Variants in EYA2 observed in about 807,000 individuals in gnomAD.
EYA2 encodes the protein EYA transcriptional coactivator and phosphatase 2.
In EYA2, 31 loss-of-function variants were observed where a neutral mutation model predicts 69.2. The ratio of observed to expected loss-of-function variants is 0.45; its 90% CI spans 0.34 to 0.60. EYA2 has a LOEUF of 0.60. Ranked by LOEUF, EYA2 falls within the 20% of genes least tolerant of loss-of-function variation. EYA2 has a pLI of 0.02. For synonymous variants in EYA2, 257 were observed against 279.4 expected, an observed-to-expected ratio of 0.92 and a Z score of 0.80; for missense variants, 622 against 701.2, an observed-to-expected ratio of 0.89 and a Z score of 1.28.
intron 1 of EYA2, among the ~76,000 whole-genome samples, chr20:46,966,537 G>A (rs1979792949): frequency 1.3e-5 from 2 of 152,116 alleles, no homozygotes; most frequent in Non-Finnish European, 2.9e-5. Flanking sequence ...GGCCTGGCGC[G>A]GTGGCTCACA....
chr20:46,986,661 C>T (rs1459044166), intron 1 of EYA2, among the ~76,000 whole-genome samples: 1 of 152,034 alleles, frequency 6.6e-6, no homozygotes, highest in Non-Finnish European at 1.5e-5. Flanking sequence ...CTGGTGAGGC[C>T]TTGGGAAGCT....
chr20:47,026,677 C>T (rs1020524407), intron 5 of EYA2, among the ~76,000 whole-genome samples: 1 of 152,024 alleles, frequency 6.6e-6, no homozygotes, highest in Non-Finnish European at 1.5e-5. Context: ...AGTACAGGGC[C>T]GAGCAGTAAT....
intron 1 of EYA2, among the ~76,000 whole-genome samples, chr20:46,988,053 AACAACT>A (rs780579648): frequency 1.3e-4 from 19 of 147,134 alleles, no homozygotes; most frequent in Non-Finnish European, 2.2e-4. Context: ...CAATGCATAT[AACAACT>A]GTTTACATAG....
chr20:46,996,788 G>A (rs769790740), intron 2 of EYA2, among the ~76,000 whole-genome samples: 1 of 152,108 alleles, frequency 6.6e-6, no homozygotes, highest in Non-Finnish European at 1.5e-5. Context: ...GGCTCAGGAG[G>A]CCTCAGGAAA....
At chr20:46,958,364 G>A (rs1010897107) in intron 1 of EYA2, among the ~76,000 whole-genome samples, 3 of 152,136 alleles carry the variant, frequency 2.0e-5, no homozygotes, top group Non-Finnish European at 4.4e-5. Flanking sequence ...CCATGATGGG[G>A]ATGACTTAGG....
chr20:47,005,270 C>A (rs1039302882), intron 4 of EYA2, among the ~76,000 whole-genome samples, 186 bp downstream of exon 4: 6 of 152,320 alleles, frequency 3.9e-5, no homozygotes, highest in Non-Finnish European at 7.3e-5. Flanking sequence ...ATCAAGATCC[C>A]TTTTGATGGC....
At position 47,078,329 on chromosome 20, in the gene EYA2, GCGCACACA is replaced by G. The variant is rs1225977436; in HGVS notation, c.661+3996_661+4003del. Among the ~76,000 whole-genome samples the G allele has an allele frequency of 2.6e-3, 298 of 116,162 alleles. 2 individuals carry two copies. Among genetic ancestry groups the G allele is most frequent in the African/African-American group, 7.8e-3 (262 of 33,804 alleles). The allele number at this position is 116,162 out of a possible 152,430, so 76.2% of individuals were successfully genotyped here. A position where few individuals can be genotyped will look rare whatever the true frequency, so the allele number is the denominator to read the frequency against. ...TGCACATGTGCACGTGCGCGCGCGC[GCGCACACA>G]CACACACACACACACACACACACAC... On this transcript the variant is annotated intron_variant, in intron 7 of 15. Transcript: ENST00000327619.
intron 9 of EYA2, among the ~76,000 whole-genome samples, chr20:47,137,961 G>C (rs2033514397): frequency 6.6e-6 from 1 of 150,812 alleles, no homozygotes; most frequent in Non-Finnish European, 1.5e-5. Flanking sequence ...GACACAGGAA[G>C]GGGAACATCA....
rs546233900 is a variant in EYA2, at chr20:47,180,747, A to G, written c.1314-68A>G. Reference sequence around the variant, plus strand: ...CAGATTTCCCGCCAACTGCAGGCTCATGCAGCAAGAGGAGGCCTGGCCTTG... The same window carrying G: ...CAGATTTCCCGCCAACTGCAGGCTCGTGCAGCAAGAGGAGGCCTGGCCTTG... On this transcript the variant is annotated intron_variant, in intron 13 of 15. Coordinates refer to ENST00000327619, the MANE Select transcript of EYA2 (RefSeq NM_005244.5). 7 of 1,579,240 alleles carry G rather than the reference A, an allele frequency of 4.4e-6. No homozygotes were observed. In the African/African-American group the frequency reaches 6.7e-5, roughly 15 times the overall value.
chr20:46,981,971 ATAT>A (rs1980863405), intron 1 of EYA2, among the ~76,000 whole-genome samples: 1 of 152,180 alleles, frequency 6.6e-6, no homozygotes, highest in African/African-American at 2.4e-5. Flanking sequence ...GTTATCCTAA[ATAT>A]TATAGGATAC....
At chr20:47,023,686 G>A (rs1049276984) in intron 5 of EYA2, among the ~76,000 whole-genome samples, 1 of 136,814 alleles carries the variant, frequency 7.3e-6, no homozygotes, top group Non-Finnish European at 1.5e-5. Flanking sequence ...CACCCAGGCT[G>A]GAGTGCAGTG....
intron 15 of EYA2, among the ~76,000 whole-genome samples, chr20:47,187,056 A>AT (rs1204545635): frequency 1.8e-5 from 2 of 112,670 alleles, no homozygotes; most frequent in Non-Finnish European, 3.8e-5. Context: ...CATCTCTAAA[A>AT]TTAAAAAAAA....
chr20:47,182,628 T>TCAAAAAAAAAAAAAAA (rs779945744), intron 14 of EYA2, among the ~76,000 whole-genome samples: 3,900 of 83,892 alleles, frequency 0.046, 858 homozygotes, highest in African/African-American at 0.087. Context: ...AGACTCCGTC[T>TCAAAAAAAAAAAAAAA]AAAAAAAAAA....
intron 10 of EYA2, among the ~76,000 whole-genome samples, chr20:47,165,132 T>C (rs2034155762): frequency 6.6e-6 from 1 of 152,206 alleles, no homozygotes; most frequent in African/African-American, 2.4e-5. Context: ...TGAATTTCAA[T>C]ATAACTATAA....
At chr20:47,110,553 C>T (rs1600716268) in intron 9 of EYA2, among the ~76,000 whole-genome samples, 1 of 152,284 alleles carries the variant, frequency 6.6e-6, no homozygotes, top group East Asian at 1.9e-4. Flanking sequence ...TAACATGTCC[C>T]TAGTGATCCA....
chr20:46,979,436 A>C (rs1308677085), intron 1 of EYA2: 2 of 152,172 alleles, frequency 1.3e-5, no homozygotes, highest in Non-Finnish European at 2.9e-5. Context: ...TAGCCAGGCT[A>C]TCAGGGTTTT....
intron 9 of EYA2, among the ~76,000 whole-genome samples, chr20:47,127,640 A>G (rs1050560358): frequency 6.6e-6 from 1 of 152,212 alleles, no homozygotes; most frequent in African/African-American, 2.4e-5. Flanking sequence ...GGGCTGAGGG[A>G]TGTGTTCAGA....
At chr20:47,089,212 T>G in intron 7 of EYA2, 27 bp from the exon 8 acceptor site, 1 of 1,610,914 alleles carries the variant, frequency 6.2e-7, no homozygotes, top group Non-Finnish European at 8.5e-7. Flanking sequence ...GCTTCTGATT[T>G]GTCCACCATT....
chr20:47,105,643 A>C (rs371088392), intron 9 of EYA2, among the ~76,000 whole-genome samples: 1 of 114,548 alleles, frequency 8.7e-6, no homozygotes, highest in Non-Finnish European at 2.1e-5. Flanking sequence ...AAAAAAAAGG[A>C]ACCTGCCCAA....
Sources: allele counts gnomAD v4.1 joint callset (sites outside exome capture counted in the v4.1 genomes callset), GRCh38; gene constraint gnomAD v4.1.1; transcripts MANE v1.5; gene names NCBI Gene and HGNC (gene_info 2026-07-23, HGNC 2026-07-21).